The following RALY variants were observed in gnomAD, a reference collection of about 807,000 sequenced individuals.
The protein encoded by RALY is RALY heterogeneous nuclear ribonucleoprotein.
Under a neutral mutation model 30.7 loss-of-function variants are expected in RALY, and 15 were observed. The ratio of observed to expected loss-of-function variants is 0.49; its 90% confidence interval spans 0.33 to 0.75. The LOEUF is 0.75. RALY is among the 30% of genes least tolerant of loss of function. The pLI is 0.02. For missense variants in RALY, 339 were observed against 414.3 expected (o/e 0.82, Z 1.58); for synonymous variants, 177 against 170.8 (o/e 1.04, Z -0.28).
chr20:34,063,041 C>G (rs2033461501), intron 2 of RALY, among the ~76,000 whole-genome samples: 1 of 152,162 alleles, frequency 6.6e-6, no homozygotes, highest in Admixed American at 6.5e-5. Flanking sequence ...CATTCTGGGC[C>G]AAGATTATGA....
chr20:34,073,456 T>C, intron 3 of RALY, 107 bp from the exon 4 acceptor site: 1 of 1,036,548 alleles, frequency 9.6e-7, no homozygotes, highest in South Asian at 1.3e-5. Flanking sequence ...GCAGAATCCA[T>C]GTGTATACCG....
intron 1 of RALY, among the ~76,000 whole-genome samples, chr20:34,006,540 A>G (rs989147646): frequency 2.6e-5 from 4 of 152,206 alleles, no homozygotes; most frequent in African/African-American, 7.2e-5. Context: ...TTTAATTTGT[A>G]TGGTCCCTCC....
intron 5 of RALY, among the ~76,000 whole-genome samples, chr20:34,075,371 T>G (rs1426731077): frequency 6.6e-6 from 1 of 151,990 alleles, no homozygotes; most frequent in African/African-American, 2.4e-5. Context: ...TGCCCTTGGG[T>G]GGACACTGAA....
chr20:34,072,959 T>TGTGTGTGTGTGTGAGA (rs142692706), intron 3 of RALY, among the ~76,000 whole-genome samples: 2 of 148,892 alleles, frequency 1.3e-5, no homozygotes, highest in African/African-American at 5.0e-5. Flanking sequence ...TGTGTGTGTG[T>TGTGTGTGTGTGTGAGA]GAGAGAGAGA....
At chr20:34,044,407 A>G (rs1410807876) in intron 2 of RALY, among the ~76,000 whole-genome samples, 7 of 151,712 alleles carry the variant, frequency 4.6e-5, no homozygotes, top group African/African-American at 1.7e-4. Flanking sequence ...GCTCACTGCA[A>G]CCTCCTAGGT....
At chr20:34,013,382 C>A (rs1393553055) in intron 1 of RALY, among the ~76,000 whole-genome samples, 3 of 144,610 alleles carry the variant, frequency 2.1e-5, no homozygotes, top group Non-Finnish European at 4.5e-5. Context: ...TTACTATACT[C>A]CAGCTTAGGC....
chr20:34,063,940 G>A (rs773024749), intron 2 of RALY, among the ~76,000 whole-genome samples: 4 of 152,010 alleles, frequency 2.6e-5, no homozygotes, highest in Non-Finnish European at 5.9e-5. Flanking sequence ...TGTGGCCATG[G>A]TAGATGTCGC....
chr20:34,024,827 C>G (rs1249029721), intron 1 of RALY, among the ~76,000 whole-genome samples: 2 of 152,148 alleles, frequency 1.3e-5, no homozygotes, highest in East Asian at 3.8e-4. Flanking sequence ...CATAGGCAAC[C>G]ATACAGTAGA....
In RALY at chr20:34,082,267, A is replaced by G. The variant is rs979416248; in HGVS notation, c.*2362A>G. ...ACTGCCCTTAGCTCTTGGTGTCCCC[A>G]TCTGTGAAACATGGGGGACAGCTGC... On this transcript the variant is annotated 3_prime_UTR_variant, in exon 10 of 10. Transcript: ENST00000246194. The G allele has an allele frequency of 1.3e-5, 2 of 152,224 alleles. No homozygotes were observed. Among genetic ancestry groups the G allele is most frequent in the South Asian group, 2.1e-4 (1 of 4,824 alleles). The allele number at this position is 152,224 out of a possible 1,614,324, so 9.4% of individuals were successfully genotyped here.
intron 2 of RALY, among the ~76,000 whole-genome samples, chr20:34,042,176 A>G (rs565577105): frequency 4.6e-5 from 7 of 152,182 alleles, no homozygotes; most frequent in African/African-American, 9.7e-5. Flanking sequence ...AAGCAGCAGC[A>G]AGAGGCCTAG....
intron 9 of RALY, among the ~76,000 whole-genome samples, chr20:34,078,823 C>T (rs934073713): frequency 6.6e-6 from 1 of 152,190 alleles, no homozygotes; most frequent in African/African-American, 2.4e-5. Context: ...AGCCATGTTG[C>T]CTGTCTCTGC....
chr20:34,025,899 GTTT>G (rs35827160), intron 1 of RALY, among the ~76,000 whole-genome samples: 1 of 75,916 alleles, frequency 1.3e-5, no homozygotes, highest in African/African-American at 5.2e-5. Flanking sequence ...ATTCCTGGTT[GTTT>G]TTTTTTTTTT....
intron 1 of RALY, among the ~76,000 whole-genome samples, chr20:34,022,627 G>A (rs1428041247): frequency 6.6e-6 from 1 of 152,108 alleles, no homozygotes; most frequent in African/African-American, 2.4e-5. Flanking sequence ...CCACTCTACT[G>A]AGCCTCCTAT....
chr20:34,020,797 A>G (rs1012465029), intron 1 of RALY, among the ~76,000 whole-genome samples: 10 of 152,252 alleles, frequency 6.6e-5, no homozygotes, highest in Non-Finnish European at 1.2e-4. Flanking sequence ...GAAGGTAGTT[A>G]TGCAAGTTCT....
At chr20:34,021,568 TTGCCTCTCAGAGTCCCC>T (rs2031824157) in intron 1 of RALY, among the ~76,000 whole-genome samples, 1 of 152,170 alleles carries the variant, frequency 6.6e-6, no homozygotes, top group Non-Finnish European at 1.5e-5. Flanking sequence ...TGCACTAATG[TTGCCTCTCAGAGTCCCC>T]TGTCTCAACA....
chr20:34,041,858 C>T (rs1036910002), intron 2 of RALY, among the ~76,000 whole-genome samples: 2 of 152,068 alleles, frequency 1.3e-5, no homozygotes, highest in Admixed American at 1.3e-4. Context: ...TAATTGCCAG[C>T]ACTTTGGGAG....
At chr20:33,998,406 G>C (rs2030743236) in intron 1 of RALY, among the ~76,000 whole-genome samples, 1 of 152,186 alleles carries the variant, frequency 6.6e-6, no homozygotes, top group Non-Finnish European at 1.5e-5. Context: ...CTAGGTAGAA[G>C]GAACAGTAAG....
In RALY at chr20:34,079,932, A is replaced by G. The variant is rs1427264998; in HGVS notation, c.*27A>G. On this transcript the variant is annotated 3_prime_UTR_variant, in exon 10 of 10. Coordinates refer to ENST00000246194, the MANE Select transcript of RALY (RefSeq NM_016732.3). ...CAGCCTGACAGGAGCAATGGCCACC[A>G]GCAGGTGAAGGGCATCGCTGCCCCA... 1 of 152,456 alleles carries G rather than the reference A, an allele frequency of 6.6e-6. No individual in the cohort carries two copies. Among genetic ancestry groups the G allele is most frequent in the Non-Finnish European group, 1.5e-5 (1 of 68,256 alleles). The allele number at this position is 152,456 out of a possible 1,614,324, so 9.4% of individuals were successfully genotyped here. A position where few individuals can be genotyped will look rare whatever the true frequency, so the allele number is the denominator to read the frequency against.
At chr20:34,011,140 G>C (rs1007513375) in intron 1 of RALY, among the ~76,000 whole-genome samples, 6 of 151,998 alleles carry the variant, frequency 3.9e-5, no homozygotes, top group Non-Finnish European at 7.4e-5. Flanking sequence ...TATTTTTTCA[G>C]AGTTGGATTA....
Sources: allele counts gnomAD v4.1 joint callset (sites outside exome capture counted in the v4.1 genomes callset), GRCh38; gene constraint gnomAD v4.1.1; transcripts MANE v1.5; gene names NCBI Gene and HGNC (gene_info 2026-07-23, HGNC 2026-07-21).